Variants in KLF12 observed in about 807,000 individuals in gnomAD.
KLF12 encodes the protein KLF transcription factor 12.
In KLF12, 9 loss-of-function variants were observed where a neutral mutation model predicts 37.8. The ratio of observed to expected loss-of-function variants is 0.24; its 90% CI spans 0.14 to 0.42. KLF12 has a LOEUF of 0.42. KLF12 is among the 10% of genes least tolerant of loss of function. The pLI is 1.00. For synonymous variants in KLF12, 208 were observed against 202.1 expected, an observed-to-expected ratio of 1.03 and a Z score of -0.25; for missense variants, 411 against 516.0, an observed-to-expected ratio of 0.80 and a Z score of 1.97.
chr13:73,999,402 C>T (rs1391575427), intron 1 of KLF12, among the ~76,000 whole-genome samples: 1 of 152,152 alleles, frequency 6.6e-6, no homozygotes, highest in Non-Finnish European at 1.5e-5. Context: ...TATAATTACA[C>T]ACCTACTTTC....
At chr13:73,962,939 C>A (rs574330324) in intron 2 of KLF12, among the ~76,000 whole-genome samples, 111 of 152,282 alleles carry the variant, frequency 7.3e-4, no homozygotes, top group Admixed American at 7.3e-3. Flanking sequence ...CATTCTCTCA[C>A]ACAATTTTAT....
chr13:74,164,788 A>G, the KLF12 span, among the ~76,000 whole-genome samples: 1 of 152,246 alleles, frequency 6.6e-6, no homozygotes, highest in East Asian at 1.9e-4. Flanking sequence ...TATTATGTTA[A>G]GGGAAATAAG....
At chr13:74,280,793 A>G in the KLF12 span, among the ~76,000 whole-genome samples, 1 of 151,360 alleles carries the variant, frequency 6.6e-6, no homozygotes, top group East Asian at 1.9e-4. Context: ...GTATGTAGAA[A>G]CTACACCATA....
the KLF12 span, among the ~76,000 whole-genome samples, chr13:74,204,519 C>T: frequency 7.2e-5 from 11 of 152,106 alleles, no homozygotes; most frequent in South Asian, 1.9e-3. Flanking sequence ...ATTTATTTTT[C>T]CTTAAGTTTG....
the KLF12 span, among the ~76,000 whole-genome samples, chr13:74,220,595 C>G: frequency 6.6e-6 from 1 of 152,212 alleles, no homozygotes; most frequent in Non-Finnish European, 1.5e-5. Context: ...TGTAAACCAT[C>G]ATCAGCATGA....
chr13:74,217,963 A>G, the KLF12 span, among the ~76,000 whole-genome samples: 5,928 of 152,272 alleles, frequency 0.039, 276 homozygotes, highest in African/African-American at 0.11. Flanking sequence ...AAGCTGCTCA[A>G]ATTCCTTCCA....
chr13:74,005,516 G>C (rs1466569602), intron 1 of KLF12, among the ~76,000 whole-genome samples: 1 of 152,202 alleles, frequency 6.6e-6, no homozygotes, highest in Non-Finnish European at 1.5e-5. Context: ...TGAACAGTAG[G>C]CACCAGGTGT....
chr13:74,249,808 G>T, the KLF12 span, among the ~76,000 whole-genome samples: 1 of 152,102 alleles, frequency 6.6e-6, no homozygotes, highest in African/African-American at 2.4e-5. Flanking sequence ...TCATGAGGAG[G>T]CGTTTCTTCA....
chr13:73,941,571 G>A (rs933814174), intron 3 of KLF12, among the ~76,000 whole-genome samples: 2 of 152,074 alleles, frequency 1.3e-5, no homozygotes, highest in Admixed American at 1.3e-4. Context: ...ATAGTTCTAA[G>A]ATTCTGAACA....
the KLF12 span, among the ~76,000 whole-genome samples, chr13:74,140,571 G>A: frequency 2.0e-5 from 3 of 152,194 alleles, no homozygotes; most frequent in African/African-American, 7.2e-5. Flanking sequence ...AGTATTGGGT[G>A]GTGCTTTGAA....
chr13:73,825,043 T>C (rs1883758845), intron 4 of KLF12, among the ~76,000 whole-genome samples: 1 of 151,358 alleles, frequency 6.6e-6, no homozygotes, highest in East Asian at 2.0e-4. Flanking sequence ...CATTCCAGTC[T>C]GGGCAACAAG....
chr13:74,211,903 C>A, the KLF12 span, among the ~76,000 whole-genome samples: 1 of 152,142 alleles, frequency 6.6e-6, no homozygotes, highest in African/African-American at 2.4e-5. Context: ...AAAATTGTGA[C>A]CTCATTCACT....
intron 1 of KLF12, among the ~76,000 whole-genome samples, chr13:74,101,789 AC>A (rs1157596678): frequency 3.3e-5 from 5 of 152,204 alleles, no homozygotes; most frequent in African/African-American, 1.2e-4. Flanking sequence ...TATATGAAAA[AC>A]ATCAGTAAAT....
At chr13:74,134,468 C>G (rs983291731), upstream of KLF12, among the ~76,000 whole-genome samples, 1 of 152,040 alleles carries the variant, frequency 6.6e-6, no homozygotes, top group African/African-American at 2.4e-5. Context: ...AGGCAACACC[C>G]ACTGCCCGGC....
At chr13:74,048,924 G>T (rs955519122) in intron 1 of KLF12, among the ~76,000 whole-genome samples, 1 of 152,112 alleles carries the variant, frequency 6.6e-6, no homozygotes, top group Non-Finnish European at 1.5e-5. Context: ...GAGGGAGGCC[G>T]GCCAATTGTG....
At chr13:74,168,586 A>T in the KLF12 span, among the ~76,000 whole-genome samples, 1 of 152,190 alleles carries the variant, frequency 6.6e-6, no homozygotes, top group Non-Finnish European at 1.5e-5. Context: ...CTGGCTGAAA[A>T]GGCTGGGTTA....
intron 5 of KLF12, among the ~76,000 whole-genome samples, chr13:73,781,485 C>A (rs1880964028): frequency 6.6e-6 from 1 of 152,092 alleles, no homozygotes; most frequent in Admixed American, 6.6e-5. Flanking sequence ...ATAGATTTAA[C>A]CTATATTTAA....
the KLF12 span, among the ~76,000 whole-genome samples, chr13:74,270,694 T>A: frequency 6.6e-6 from 1 of 152,036 alleles, no homozygotes; most frequent in Non-Finnish European, 1.5e-5. Context: ...AATTATTGAG[T>A]GTGTAGTTGG....
intron 1 of KLF12, among the ~76,000 whole-genome samples, chr13:74,060,146 G>A (rs1043893749): frequency 6.6e-6 from 1 of 152,112 alleles, no homozygotes; most frequent in Admixed American, 6.5e-5. Flanking sequence ...GTACCATGAT[G>A]TTTTAGTTAC....
Sources: gnomAD v4.1 joint callset for allele counts (sites outside exome capture counted in the v4.1 genomes callset) on GRCh38, gnomAD v4.1.1 for gene constraint, MANE v1.5 for transcripts, NCBI Gene and HGNC (gene_info 2026-07-23, HGNC 2026-07-21) for gene names.